Variants in NHERF1 observed in about 807,000 individuals in gnomAD.
NHERF1 encodes Na(+)/H(+) exchange regulatory cofactor NHE-RF1.
chr17:74,752,549 G>T, the NHERF1 span, among the ~76,000 whole-genome samples: 5 of 151,970 alleles, frequency 3.3e-5, no homozygotes, highest in Non-Finnish European at 7.4e-5. Flanking sequence ...AGGCTGGAGT[G>T]GTGTCGCAAC....
chr17:74,764,773 AG>A, the NHERF1 span, among the ~76,000 whole-genome samples: 1 of 152,168 alleles, frequency 6.6e-6, no homozygotes, highest in Non-Finnish European at 1.5e-5. The surrounding 1 kb of genome is among the most constrained non-coding windows in gnomAD (Gnocchi z 4.9). Context: ...CAGTCCCTCC[AG>A]GATGGCATCC....
the NHERF1 span, chr17:74,768,389 G>A: frequency 5.8e-6 from 9 of 1,538,890 alleles, no homozygotes; most frequent in Non-Finnish European, 8.1e-6. Context: ...CCCCAACGGA[G>A]CCACCTCACC....
the NHERF1 span, among the ~76,000 whole-genome samples, chr17:74,757,884 G>A: frequency 1.6e-4 from 25 of 152,320 alleles, no homozygotes; most frequent in African/African-American, 5.5e-4. Flanking sequence ...CTGGGCTGGG[G>A]GAGGGGCAGT....
chr17:74,766,798 T>A, the NHERF1 span: 1 of 821,878 alleles, frequency 1.2e-6, no homozygotes, highest in Non-Finnish European at 2.1e-6. Context: ...GTATTCATGG[T>A]GGGTGGTAGT....
the NHERF1 span, among the ~76,000 whole-genome samples, chr17:74,757,350 A>T: frequency 6.6e-6 from 1 of 152,068 alleles, no homozygotes; most frequent in Admixed American, 6.6e-5. Flanking sequence ...GACTTTTTTT[A>T]AAATGGACAC....
At chr17:74,766,404 T>C in the NHERF1 span, among the ~76,000 whole-genome samples, 1 of 152,118 alleles carries the variant, frequency 6.6e-6, no homozygotes, top group East Asian at 1.9e-4. Flanking sequence ...GGTTTCACCA[T>C]GTTGGCCAGG....
the NHERF1 span, chr17:74,768,504 A>C: frequency 2.6e-5 from 42 of 1,613,954 alleles, no homozygotes; most frequent in Non-Finnish European, 3.6e-5. Flanking sequence ...ACAGGACTCC[A>C]CAGCGCCCTC....
the NHERF1 span, among the ~76,000 whole-genome samples, chr17:74,754,371 ATTTCTTTCTTTCTTTC>A: frequency 5.5e-5 from 7 of 127,978 alleles, no homozygotes; most frequent in African/African-American, 1.1e-4. Context: ...GTTGACATGC[ATTTCTTTCTTTCTTTC>A]TTTCTTTCTT....
At chr17:74,766,892 T>A in the NHERF1 span, 20 of 1,604,992 alleles carry the variant, frequency 1.2e-5, no homozygotes, top group Middle Eastern at 1.6e-4. Context: ...CACGCTCTAT[T>A]CCATCCCCGT....
the NHERF1 span, among the ~76,000 whole-genome samples, chr17:74,753,310 TG>T: frequency 6.6e-6 from 1 of 152,082 alleles, no homozygotes; most frequent in South Asian, 2.1e-4. Flanking sequence ...AGAGTCAGAG[TG>T]CAGGCACCCC....
At chr17:74,768,653 C>G in the NHERF1 span, 7 of 1,613,410 alleles carry the variant, frequency 4.3e-6, no homozygotes, top group Non-Finnish European at 5.9e-6. Context: ...TCAGCAACCT[C>G]TGAGCGCCCT....
the NHERF1 span, among the ~76,000 whole-genome samples, chr17:74,757,812 G>T: frequency 6.6e-6 from 1 of 152,200 alleles, no homozygotes; most frequent in African/African-American, 2.4e-5. Context: ...CCATCCTCTT[G>T]TTGGGGCTGA....
At chr17:74,751,966 C>T in the NHERF1 span, among the ~76,000 whole-genome samples, 1 of 152,324 alleles carries the variant, frequency 6.6e-6, no homozygotes, top group Admixed American at 6.5e-5. This position sits in a 1 kb window ranked among gnomAD's most constrained non-coding sequence, Gnocchi z 4.3. Context: ...GCACTGAGTC[C>T]AGGCTCAGCC....
At chr17:74,765,919 C>A in the NHERF1 span, among the ~76,000 whole-genome samples, 1 of 151,992 alleles carries the variant, frequency 6.6e-6, no homozygotes, top group African/African-American at 2.4e-5. Flanking sequence ...TTGGTGTCAT[C>A]ATCATCACCT....
chr17:74,767,451 GCTGGGTGC>G, the NHERF1 span, among the ~76,000 whole-genome samples: 1 of 152,200 alleles, frequency 6.6e-6, no homozygotes, highest in African/African-American at 2.4e-5. Context: ...CCAGGAAGGG[GCTGGGTGC>G]CAAGCTGACG....
the NHERF1 span, among the ~76,000 whole-genome samples, chr17:74,766,265 C>T: frequency 2.6e-5 from 4 of 151,808 alleles, no homozygotes; most frequent in South Asian, 2.1e-4. Context: ...GGCGTGATCT[C>T]GGCTCACTGC....
chr17:74,768,110 A>G, the NHERF1 span: 1 of 1,424,640 alleles, frequency 7.0e-7, no homozygotes, highest in Non-Finnish European at 9.9e-7. Context: ...CCCTCACCCC[A>G]TCCTCTGACA....
chr17:74,760,586 G>A, the NHERF1 span, among the ~76,000 whole-genome samples: 6 of 152,182 alleles, frequency 3.9e-5, no homozygotes, highest in Non-Finnish European at 4.4e-5. The surrounding 1 kb of genome is among the most constrained non-coding windows in gnomAD (Gnocchi z 4.5). Flanking sequence ...TCCTGGGCGC[G>A]CCTTCCCACC....
the NHERF1 span, chr17:74,766,901 G>A: frequency 4.9e-4 from 785 of 1,611,628 alleles, 2 homozygotes; most frequent in Middle Eastern, 1.7e-4. Context: ...TTCCATCCCC[G>A]TTCTGGACTC....
Sources: allele counts gnomAD v4.1 joint callset (sites outside exome capture counted in the v4.1 genomes callset), GRCh38; gene constraint gnomAD v4.1.1; non-coding constraint Gnocchi (gnomAD v3.1); transcripts MANE v1.5; gene names NCBI Gene and HGNC (gene_info 2026-07-23, HGNC 2026-07-21).